Variants in PALLD observed in about 807,000 individuals in gnomAD.
PALLD encodes palladin.
In PALLD, 61 loss-of-function variants were observed where a neutral mutation model predicts 123.5. That is an observed-to-expected ratio of 0.49 (90% confidence interval 0.40 to 0.61). The LOEUF (loss-of-function observed/expected upper bound fraction) is 0.61, where lower values mean the gene tolerates loss of function less well. PALLD is among the 20% of genes least tolerant of loss of function. The pLI is 0.00. For synonymous variants in PALLD, 465 were observed against 496.4 expected (o/e 0.94, Z 0.84); for missense variants, 1,273 against 1,377.0 (o/e 0.92, Z 1.20).
At chr4:168,912,674 G>A (rs1484502442) in intron 15 of PALLD, among the ~76,000 whole-genome samples, 1 of 152,094 alleles carries the variant, frequency 6.6e-6, no homozygotes, top group Non-Finnish European at 1.5e-5. Context: ...AACGTATAAT[G>A]TTCAAATCAT....
At chr4:168,880,619 A>G (rs1752478976) in intron 10 of PALLD, among the ~76,000 whole-genome samples, 1 of 152,268 alleles carries the variant, frequency 6.6e-6, no homozygotes, top group Admixed American at 6.5e-5. Flanking sequence ...ATTTTTGTTT[A>G]CCATAATAAT....
rs543850027 is a variant in PALLD, at chr4:168,755,096, G to A, written c.1964+43173G>A. ...AAATACAAAAAAATTAGCCAGGCGT[G>A]GTGGCGGGCGCCTGTAGTCTCAGCT... On this transcript the variant is annotated intron_variant, in intron 10 of 21. Coordinates refer to ENST00000505667, the MANE Select transcript of PALLD (RefSeq NM_001166108.2). Among the ~76,000 whole-genome samples the A allele has an allele frequency of 8.5e-5, 13 of 152,180 alleles. No homozygotes were observed. In the South Asian group the frequency reaches 2.3e-3, roughly 27 times the overall value.
intron 3 of PALLD, among the ~76,000 whole-genome samples, chr4:168,675,332 G>T (rs1262217784): frequency 6.6e-6 from 1 of 152,190 alleles, no homozygotes; most frequent in African/African-American, 2.4e-5. Context: ...TTAGACACAG[G>T]TTCTCAGTGC....
chr4:168,879,564 T>C (rs1581881997), intron 10 of PALLD, among the ~76,000 whole-genome samples: 1 of 152,236 alleles, frequency 6.6e-6, no homozygotes, highest in East Asian at 1.9e-4. Flanking sequence ...AAGTGTTCCA[T>C]TGCTAGGATA....
chr4:168,749,359 C>T (rs1219912713), intron 10 of PALLD, among the ~76,000 whole-genome samples: 2 of 151,368 alleles, frequency 1.3e-5, no homozygotes, highest in African/African-American at 4.9e-5. Flanking sequence ...AACGGCCTAA[C>T]ACACTACATA....
At chr4:168,890,693 T>G (rs532585174) in intron 10 of PALLD, among the ~76,000 whole-genome samples, 7 of 152,268 alleles carry the variant, frequency 4.6e-5, no homozygotes, top group Non-Finnish European at 8.8e-5. Context: ...ACCTACCCAC[T>G]AAGGCATACT....
At chr4:168,634,301 G>A (rs540403262) in intron 2 of PALLD, among the ~76,000 whole-genome samples, 1 of 152,274 alleles carries the variant, frequency 6.6e-6, no homozygotes, top group Non-Finnish European at 1.5e-5. Flanking sequence ...TTCCAAGATG[G>A]GCTTCAGTGA....
intron 2 of PALLD, among the ~76,000 whole-genome samples, chr4:168,623,532 A>G (rs1013904427): frequency 7.2e-5 from 11 of 152,230 alleles, no homozygotes. Flanking sequence ...TCCATGGTTT[A>G]GCAATCACAG....
intron 10 of PALLD, among the ~76,000 whole-genome samples, chr4:168,887,139 GAAAAA>G (rs1753481033): frequency 8.4e-6 from 1 of 118,998 alleles, no homozygotes; most frequent in Admixed American, 8.3e-5. Context: ...AAAAGAAAAA[GAAAAA>G]GTAGAATAAT....
intron 2 of PALLD, among the ~76,000 whole-genome samples, chr4:168,625,023 G>C (rs1422190178): frequency 6.6e-6 from 1 of 151,784 alleles, no homozygotes; most frequent in Non-Finnish European, 1.5e-5. Context: ...GATACAAACA[G>C]GAATAAGAGT....
chr4:168,545,685 G>A (rs1487699336), intron 2 of PALLD, among the ~76,000 whole-genome samples: 1 of 152,014 alleles, frequency 6.6e-6, no homozygotes, highest in Non-Finnish European at 1.5e-5. Flanking sequence ...ATCCATTCCA[G>A]TTGTGTGACT....
chr4:168,561,135 C>T (rs1767818402), intron 2 of PALLD, among the ~76,000 whole-genome samples: 1 of 152,142 alleles, frequency 6.6e-6, no homozygotes, highest in South Asian at 2.1e-4. Flanking sequence ...TGAGGCCTCC[C>T]TGGATGCAGT....
chr4:168,811,786 AC>A (rs1741194422), intron 10 of PALLD, among the ~76,000 whole-genome samples: 2 of 148,066 alleles, frequency 1.4e-5, no homozygotes, highest in Non-Finnish European at 3.0e-5. Flanking sequence ...TCACACACAC[AC>A]ACACACACAC....
intron 10 of PALLD, among the ~76,000 whole-genome samples, chr4:168,776,011 C>CT: frequency 6.6e-6 from 1 of 152,162 alleles, no homozygotes; most frequent in Non-Finnish European, 1.5e-5. Context: ...GTTTTGGCTA[C>CT]TCTTGGTCCT....
At chr4:168,658,991 G>A (rs1355573152) in intron 2 of PALLD, among the ~76,000 whole-genome samples, 2 of 152,134 alleles carry the variant, frequency 1.3e-5, no homozygotes, top group African/African-American at 2.4e-5. Flanking sequence ...ATTTCACTTC[G>A]GTCTGCCTAT....
rs528162094 is a variant in PALLD at position 168,695,574 on chromosome 4, A to T, written c.1501+4282A>T. On this transcript the variant is annotated intron_variant, in intron 8 of 21. Transcript: ENST00000505667. Reference sequence around the variant, plus strand: ...TTTTCTATGACATAATCTCTTTGTGAAACTGAGTTTTTGATGAGTGTGTGA... The same window carrying T: ...TTTTCTATGACATAATCTCTTTGTGTAACTGAGTTTTTGATGAGTGTGTGA... Among the ~76,000 whole-genome samples, 16 of 152,276 alleles carry T rather than the reference A, an allele frequency of 1.1e-4. No individual in the cohort carries two copies. In the South Asian group the frequency reaches 3.3e-3, roughly 32 times the overall value.
At chr4:168,620,894 A>G (rs996274465) in intron 2 of PALLD, among the ~76,000 whole-genome samples, 2 of 152,222 alleles carry the variant, frequency 1.3e-5, no homozygotes, top group African/African-American at 4.8e-5. Context: ...ATAAAGTAAT[A>G]TAATATTCTA....
At chr4:168,648,154 C>G (rs1260209994) in intron 2 of PALLD, 1 of 152,056 alleles carries the variant, frequency 6.6e-6, no homozygotes, top group Non-Finnish European at 1.5e-5. Flanking sequence ...GCAGTTCTTA[C>G]CCAGCAATCC....
chr4:168,915,556 T>C (rs1759915348), intron 16 of PALLD, among the ~76,000 whole-genome samples: 1 of 152,230 alleles, frequency 6.6e-6, no homozygotes, highest in Non-Finnish European at 1.5e-5. Flanking sequence ...GTAACTTCTG[T>C]TGAAAAAGAT....
Sources: allele counts gnomAD v4.1 joint callset (sites outside exome capture counted in the v4.1 genomes callset), GRCh38; gene constraint gnomAD v4.1.1; transcripts MANE v1.5; gene names NCBI Gene and HGNC (gene_info 2026-07-23, HGNC 2026-07-21).